The following GRAMD1C variants were observed in gnomAD, a reference collection of about 807,000 sequenced individuals.
GRAMD1C encodes the protein protein Aster-C.
In GRAMD1C, 89 loss-of-function variants were observed where a neutral mutation model predicts 97.8. The ratio of observed to expected loss-of-function variants is 0.91; its 90% CI spans 0.77 to 1.09. The LOEUF is 1.09. Among genes scored for constraint, GRAMD1C ranks in the 50% least tolerant of loss-of-function variants. GRAMD1C has a pLI of 0.00. For synonymous variants in GRAMD1C, 256 were observed against 267.0 expected, an observed-to-expected ratio of 0.96 and a Z score of 0.40; for missense variants, 740 against 766.4, an observed-to-expected ratio of 0.97 and a Z score of 0.41.
At chr3:113,869,679 C>A in intron 3 of GRAMD1C, 88 bp downstream of exon 3, 2 of 675,410 alleles carry the variant, frequency 3.0e-6, no homozygotes, top group South Asian at 1.8e-5. Context: ...AAAATTTAAG[C>A]CTTTATGCTA....
chr3:113,863,221 T>C (rs1934463355), intron 2 of GRAMD1C, among the ~76,000 whole-genome samples: 1 of 152,234 alleles, frequency 6.6e-6, no homozygotes, highest in Admixed American at 6.5e-5. Context: ...TAAAATGTAG[T>C]ATATTTGTAT....
Position 113,857,225 on chromosome 3 carries a change from C to T in GRAMD1C, c.175-12282C>T, listed in dbSNP as rs1236173430. ...CAGTTGCACTGGCTGAAACTTCCAA[C>T]GCTATGTTGAATAAGAACGGTGAGA... On this transcript the variant is annotated intron_variant, in intron 2 of 17. Transcript: ENST00000358160. Among the ~76,000 whole-genome samples, 8 of 152,098 alleles carry T rather than the reference C, an allele frequency of 5.3e-5. No homozygotes were observed. The East Asian group carries it at 5.8e-4, about 11-fold the overall frequency.
chr3:113,882,629 A>G (rs1054441267), intron 5 of GRAMD1C, 123 bp from the exon 6 acceptor site: 16 of 547,318 alleles, frequency 2.9e-5, no homozygotes, highest in Non-Finnish European at 4.7e-5. Context: ...ATAGTATACA[A>G]AGTAGGCAGT....
chr3:113,915,519 G>A (rs922475434), intron 9 of GRAMD1C, among the ~76,000 whole-genome samples, 182 bp from the exon 10 acceptor site: 3 of 152,128 alleles, frequency 2.0e-5, no homozygotes, highest in Admixed American at 6.6e-5. Context: ...TCATACATAT[G>A]TATATATTTA....
At chr3:113,934,898 C>G (rs1289800388) in intron 13 of GRAMD1C, among the ~76,000 whole-genome samples, 1 of 152,082 alleles carries the variant, frequency 6.6e-6, no homozygotes, top group Non-Finnish European at 1.5e-5. Flanking sequence ...CGTGTGCCAC[C>G]ACACCCGGCT....
At chr3:113,915,112 T>C (rs974702) in intron 9 of GRAMD1C, among the ~76,000 whole-genome samples, 33,584 of 152,138 alleles carry the variant, frequency 0.22, 3,866 homozygotes, top group African/African-American at 0.29. Flanking sequence ...TTTGTTAGCT[T>C]TGATGAATAC....
chr3:113,940,718 T>G (rs1444737722), intron 17 of GRAMD1C, among the ~76,000 whole-genome samples: 1 of 152,196 alleles, frequency 6.6e-6, no homozygotes, highest in African/African-American at 2.4e-5. Context: ...TTACATACAC[T>G]GTCCATTATT....
chr3:113,904,045 C>T, intron 7 of GRAMD1C, 95 bp from the exon 8 acceptor site: 1 of 822,264 alleles, frequency 1.2e-6, no homozygotes, highest in Non-Finnish European at 1.9e-6. Context: ...TATTATCAAA[C>T]TGTTTTATCA....
intron 1 of GRAMD1C, among the ~76,000 whole-genome samples, chr3:113,843,063 T>TC: frequency 7.0e-6 from 1 of 143,448 alleles, no homozygotes; most frequent in East Asian, 2.0e-4. Flanking sequence ...TTTTTTTTTT[T>TC]TTTTTTTTTT....
chr3:113,901,200 A>C (rs1436556142), intron 7 of GRAMD1C, 54 bp downstream of exon 7: 2 of 931,072 alleles, frequency 2.1e-6, no homozygotes, highest in Non-Finnish European at 3.5e-6. Flanking sequence ...ATCAAAGCAG[A>C]ATTATTTTAC....
At chr3:113,928,968 GT>G (rs57781407) in intron 10 of GRAMD1C, among the ~76,000 whole-genome samples, 71,052 of 151,742 alleles carry the variant, frequency 0.47, 16,983 homozygotes, top group Middle Eastern at 0.61. Context: ...CCTGCTTCCA[GT>G]TCTTTTGGGT....
At chr3:113,888,715 C>T (rs1288856582) in intron 6 of GRAMD1C, among the ~76,000 whole-genome samples, 1 of 152,154 alleles carries the variant, frequency 6.6e-6, no homozygotes, top group Non-Finnish European at 1.5e-5. Context: ...GAAAGTGGAT[C>T]CCTCAAGTAC....
At chr3:113,944,244 G>C (rs1453011275) in intron 17 of GRAMD1C, among the ~76,000 whole-genome samples, 1 of 152,130 alleles carries the variant, frequency 6.6e-6, no homozygotes, top group Non-Finnish European at 1.5e-5. Flanking sequence ...ACAAAAAAGG[G>C]GACTATTTAG....
chr3:113,872,391 CTTTTTTT>C (rs777339692), intron 3 of GRAMD1C, among the ~76,000 whole-genome samples: 1 of 117,440 alleles, frequency 8.5e-6, no homozygotes, highest in South Asian at 2.8e-4. Flanking sequence ...TCTTTTTTTT[CTTTTTTT>C]TTTTTTTTTT....
At chr3:113,854,221 C>T (rs1934029742) in intron 2 of GRAMD1C, among the ~76,000 whole-genome samples, 1 of 151,802 alleles carries the variant, frequency 6.6e-6, no homozygotes, top group Admixed American at 6.6e-5. Context: ...GAATATACTA[C>T]CGAATCTTCG....
At chr3:113,840,946 G>A (rs1709769208) in intron 1 of GRAMD1C, among the ~76,000 whole-genome samples, 2 of 152,190 alleles carry the variant, frequency 1.3e-5, no homozygotes, top group African/African-American at 2.4e-5. Context: ...TGTGTATGAT[G>A]GCAAGACTGC....
At chr3:113,934,585 A>T in intron 13 of GRAMD1C, 50 bp downstream of exon 13, 1 of 796,704 alleles carries the variant, frequency 1.3e-6, no homozygotes, top group South Asian at 1.6e-5. Flanking sequence ...GGATTTATTA[A>T]CAAAATGGAT....
intron 3 of GRAMD1C, among the ~76,000 whole-genome samples, chr3:113,871,763 A>AAC (rs1934823503): frequency 6.6e-6 from 1 of 150,522 alleles, no homozygotes; most frequent in South Asian, 2.1e-4. Context: ...AAAAAAAAAA[A>AAC]AAACAACCAA....
intron 5 of GRAMD1C, among the ~76,000 whole-genome samples, chr3:113,881,716 T>A (rs768205811): frequency 2.6e-5 from 4 of 152,150 alleles, no homozygotes; most frequent in Non-Finnish European, 5.9e-5. Context: ...GGTTGTAAGG[T>A]TATTATGATT....
Sources: gnomAD v4.1 joint callset for allele counts (sites outside exome capture counted in the v4.1 genomes callset) on GRCh38, gnomAD v4.1.1 for gene constraint, MANE v1.5 for transcripts, NCBI Gene and HGNC (gene_info 2026-07-23, HGNC 2026-07-21) for gene names.